PMM2: variants seen among roughly 807,000 people sequenced by gnomAD.
PMM2 encodes the protein phosphomannomutase 2.
Under a neutral mutation model 33.2 loss-of-function variants are expected in PMM2, and 35 were observed. That is an observed-to-expected ratio of 1.06 (90% confidence interval 0.81 to 1.40). The LOEUF (loss-of-function observed/expected upper bound fraction) is 1.40, where lower values mean the gene tolerates loss of function less well. Ranked by LOEUF, PMM2 falls within the 40% of genes most tolerant of loss-of-function variation. PMM2 has a pLI of 0.00. For synonymous variants in PMM2, 153 were observed against 114.7 expected, an observed-to-expected ratio of 1.33 and a Z score of -2.13; for missense variants, 386 against 306.0, an observed-to-expected ratio of 1.26 and a Z score of -1.95.
intron 7 of PMM2, among the ~76,000 whole-genome samples, chr16:8,843,117 A>G (rs1137190): frequency 0.01 from 1,540 of 152,172 alleles, 13 homozygotes; most frequent in Admixed American, 0.021. Context: ...TTCAAAGAGT[A>G]ATGTCTAAGT....
intron 7 of PMM2, among the ~76,000 whole-genome samples, chr16:8,818,035 C>A (rs2060717646): frequency 1.3e-5 from 2 of 151,886 alleles, no homozygotes; most frequent in African/African-American, 4.8e-5. Context: ...TCCCGAGTAG[C>A]TTGGACTATA....
chr16:8,836,037 A>G (rs2141041801), intron 7 of PMM2, among the ~76,000 whole-genome samples: 1 of 151,298 alleles, frequency 6.6e-6, no homozygotes, highest in Admixed American at 6.6e-5. Context: ...GGAGTGCTTA[A>G]AAGAGTAATG....
At chr16:8,826,051 G>C (rs1159112872) in intron 7 of PMM2, among the ~76,000 whole-genome samples, 5 of 152,138 alleles carry the variant, frequency 3.3e-5, no homozygotes, top group African/African-American at 4.8e-5. Context: ...ACCGCATCTG[G>C]CATAAAACCC....
intron 7 of PMM2, among the ~76,000 whole-genome samples, chr16:8,834,762 C>G (rs1424099827): frequency 1.3e-5 from 2 of 152,026 alleles, no homozygotes; most frequent in Admixed American, 6.5e-5. Context: ...GGCGATTAGG[C>G]CTGGTGGAAC....
In PMM2 at chr16:8,832,272, C is replaced by T. The variant is rs946788036; in HGVS notation, c.640-15452C>T. 4 of 985,294 alleles carry T rather than the reference C, an allele frequency of 4.1e-6. No individual in the cohort carries two copies. The Admixed American group carries it at 1.8e-4, about 45-fold the overall frequency. The allele number at this position is 985,294 out of a possible 1,614,324, so 61.0% of individuals were successfully genotyped here. ...GGTTGTGTTTGTGATGCAGATGCTCCTGCGAGCCGTGCGGCTCTCTGAAAG... is the reference window on the plus strand; with the variant it reads ...GGTTGTGTTTGTGATGCAGATGCTCTTGCGAGCCGTGCGGCTCTCTGAAAG... On this transcript the variant is annotated intron_variant, in intron 7 of 7. Transcript: ENST00000268261.
intron 7 of PMM2, among the ~76,000 whole-genome samples, chr16:8,820,062 G>C (rs1203621197): frequency 6.6e-6 from 1 of 152,184 alleles, no homozygotes; most frequent in Non-Finnish European, 1.5e-5. Flanking sequence ...GCTGGGCGTG[G>C]TGGCGCATGC....
chr16:8,800,132 G>T (rs1331228529), intron 1 of PMM2, among the ~76,000 whole-genome samples: 1 of 152,132 alleles, frequency 6.6e-6, no homozygotes, highest in Non-Finnish European at 1.5e-5. Context: ...GCTGAGGCGG[G>T]TGGATCACTT....
rs1167246231 is a variant in PMM2, at chr16:8,847,902, C to T, written c.*77C>T. 1.9e-6 allele frequency: 2 copies of T among 1,070,468 alleles called. No individual in the cohort carries two copies. The highest frequency in any genetic ancestry group is 3.1e-5 in the African/African-American group (2 of 64,514). The allele number at this position is 1,070,468 out of a possible 1,614,324, so 66.3% of individuals were successfully genotyped here. A position where few individuals can be genotyped will look rare whatever the true frequency, so the allele number is the denominator to read the frequency against. ...CGGTGGCCAGAGCCGAGGGTCCTCC[C>T]ACACGTGCTCACCCACCCGCAGCCT... On this transcript the variant is annotated 3_prime_UTR_variant, in exon 8 of 8. Transcript: ENST00000268261.
chr16:8,826,711 C>T (rs2060770291), intron 7 of PMM2, among the ~76,000 whole-genome samples: 1 of 152,184 alleles, frequency 6.6e-6, no homozygotes, highest in African/African-American at 2.4e-5. Context: ...AATTACAGCT[C>T]TTAAACATCA....
At chr16:8,838,421 TAAG>T (rs1346949035) in intron 7 of PMM2, among the ~76,000 whole-genome samples, 3 of 151,954 alleles carry the variant, frequency 2.0e-5, no homozygotes, top group Non-Finnish European at 2.9e-5. Flanking sequence ...CTTATGTTAA[TAAG>T]AAAAATAAAA....
chr16:8,815,842 G>A (rs2141026170), intron 7 of PMM2, among the ~76,000 whole-genome samples: 1 of 152,236 alleles, frequency 6.6e-6, no homozygotes, highest in South Asian at 2.1e-4. Flanking sequence ...TGCACAGCAA[G>A]GGAAATAATC....
At chr16:8,836,757 G>T (rs2060850878) in intron 7 of PMM2, among the ~76,000 whole-genome samples, 1 of 152,026 alleles carries the variant, frequency 6.6e-6, no homozygotes, top group South Asian at 2.1e-4. Context: ...ACCTTTTAGG[G>T]TCTAGGGCTG....
intron 7 of PMM2, among the ~76,000 whole-genome samples, chr16:8,840,690 G>T (rs2060883883): frequency 6.6e-6 from 1 of 151,826 alleles, no homozygotes; most frequent in Non-Finnish European, 1.5e-5. Flanking sequence ...TAGGCTGGCT[G>T]TCCGATGGAC....
chr16:8,804,022 G>GTTTTTTTTGT (rs2060630897), intron 2 of PMM2, among the ~76,000 whole-genome samples: 2 of 25,992 alleles, frequency 7.7e-5, no homozygotes, highest in African/African-American at 2.6e-4. Context: ...TGTTTTTTGG[G>GTTTTTTTTGT]TTTTTTTTGT....
At chr16:8,844,073 G>C (rs560130472) in intron 7 of PMM2, among the ~76,000 whole-genome samples, 54 of 152,286 alleles carry the variant, frequency 3.5e-4, no homozygotes, top group African/African-American at 1.3e-3. Context: ...TTTACGACAA[G>C]AATTATTTAG....
chr16:8,813,042 G>C lies in PMM2; in HGVS notation c.575G>C (p.Cys192Ser). 1.2e-6 allele frequency: 2 copies of C among 1,613,850 alleles called. No individual in the cohort carries two copies. Among genetic ancestry groups the C allele is most frequent in the East Asian group, 2.2e-5 (1 of 44,880 alleles). Residue 192 changes from cysteine (C) to serine (S), a missense_variant, in exon 7 of 8, where the codon TGT becomes TCT. By Grantham distance (112) the Cys-to-Ser change is moderately radical. Transcript: ENST00000268261. ...VFPDGWDKRY[C>S]LRHVENDGYK... ...CCTGATGGATGGGACAAGAGATACT[G>C]TCTGCGACATGTGGAAAATGACGGT...
chr16:8,834,664 T>C (rs1596501484), intron 7 of PMM2, among the ~76,000 whole-genome samples: 6 of 151,972 alleles, frequency 3.9e-5, no homozygotes, highest in African/African-American at 1.4e-4. Flanking sequence ...TCCTTGAGGA[T>C]AGATTTCCAC....
intron 7 of PMM2, among the ~76,000 whole-genome samples, chr16:8,845,855 AG>A (rs1481763699): frequency 6.6e-6 from 1 of 150,640 alleles, no homozygotes; most frequent in Non-Finnish European, 1.5e-5. Context: ...TGTTGGACAC[AG>A]TCTTTGTCTC....
At chr16:8,824,794 G>T (rs923892553) in intron 7 of PMM2, among the ~76,000 whole-genome samples, 1 of 151,934 alleles carries the variant, frequency 6.6e-6, no homozygotes, top group Non-Finnish European at 1.5e-5. Context: ...CAAACATTTT[G>T]TAACAGGAAA....
Sources: gnomAD v4.1 joint callset for allele counts (sites outside exome capture counted in the v4.1 genomes callset) on GRCh38, gnomAD v4.1.1 for gene constraint, MANE v1.5 for transcripts, NCBI Gene and HGNC (gene_info 2026-07-23, HGNC 2026-07-21) for gene names.